RPF2: variants seen among roughly 807,000 people sequenced by gnomAD.
The protein encoded by RPF2 is brix domain containing 1.
Under a neutral mutation model 38.9 loss-of-function variants are expected in RPF2, and 21 were observed. That is an observed-to-expected ratio of 0.54 (90% CI 0.38 to 0.78). RPF2 has a LOEUF of 0.78. Among genes scored for constraint, RPF2 ranks in the 30% least tolerant of loss-of-function variants. The probability of loss-of-function intolerance (pLI) is 0.00; values close to 1 mark genes in which losing one functional copy is unlikely to be tolerated. For missense variants in RPF2, 314 were observed against 358.1 expected, an observed-to-expected ratio of 0.88 and a Z score of 0.99; for synonymous variants, 121 against 126.2, an observed-to-expected ratio of 0.96 and a Z score of 0.28.
chr6:110,983,012 T>G lies in RPF2; in HGVS notation c.23+883T>G, dbSNP rs555575509. Among the ~76,000 whole-genome samples, 3 of 152,270 alleles carry G rather than the reference T, an allele frequency of 2.0e-5. No homozygotes were observed. The East Asian group carries it at 5.8e-4, about 29-fold the overall frequency. ...AACCAGTAAATGATCAGAAGCTTTA[T>G]ATGTGACATTATATCTGGAGGAGTA... is the stretch of plus-strand genomic sequence containing the variant. On this transcript the variant is annotated intron_variant, in intron 1 of 9. Transcript: ENST00000441448.
chr6:110,998,581 G>A (rs984461968), intron 5 of RPF2, among the ~76,000 whole-genome samples: 16 of 152,148 alleles, frequency 1.1e-4, no homozygotes, highest in African/African-American at 3.9e-4. Flanking sequence ...CTAGTTTACA[G>A]CTTATTGATT....
At chr6:111,007,266 T>C (rs1260146225) in intron 6 of RPF2, among the ~76,000 whole-genome samples, 1 of 152,242 alleles carries the variant, frequency 6.6e-6, no homozygotes, top group Non-Finnish European at 1.5e-5. Flanking sequence ...ATGTTTTGTT[T>C]TGTTTTGTTT....
At chr6:110,985,995 A>T (rs1271845200) in intron 2 of RPF2, among the ~76,000 whole-genome samples, 1 of 152,072 alleles carries the variant, frequency 6.6e-6, no homozygotes. Flanking sequence ...TCCCCCAGAG[A>T]TAACACTGCA....
Position 110,985,111 on chromosome 6 carries a change from A to G in RPF2, c.129A>G (p.Ala43=), listed in dbSNP as rs756887585. Residue 43 remains alanine (A), a synonymous_variant, in exon 2 of 10, where the codon GCA becomes GCG. Coordinates refer to ENST00000441448, the MANE Select transcript of RPF2 (RefSeq NM_032194.3). ...AMLIKGGNAN[A]TVTKVLKDVY... ...TGATTAAAGGGGGAAATGCAAATGCAACAGTGACAAAAGTACTTAAAGATG... is the reference window on the plus strand; with the variant it reads ...TGATTAAAGGGGGAAATGCAAATGCGACAGTGACAAAAGTACTTAAAGATG... The G allele has an allele frequency of 4.6e-5, 75 of 1,613,622 alleles. No homozygotes were observed. The highest frequency in any genetic ancestry group is 6.0e-5 in the Non-Finnish European group (71 of 1,179,742).
chr6:111,017,293 G>A (rs9400455), intron 8 of RPF2, among the ~76,000 whole-genome samples: 30,606 of 150,086 alleles, frequency 0.2, 3,404 homozygotes, highest in South Asian at 0.32. Context: ...CGGACGGGGC[G>A]GCGGCTGGGC....
chr6:111,017,564 C>G (rs1169302554), intron 8 of RPF2, among the ~76,000 whole-genome samples: 1 of 149,996 alleles, frequency 6.7e-6, no homozygotes, highest in East Asian at 2.0e-4. Context: ...ACGCTCCTCA[C>G]CTCCCAGATG....
chr6:110,982,246 G>T, intron 1 of RPF2, 117 bp downstream of exon 1: 2 of 1,200,142 alleles, frequency 1.7e-6, no homozygotes, highest in Non-Finnish European at 1.2e-6. Flanking sequence ...CCTGGGTGGG[G>T]GCCGATCGAT....
At chr6:110,997,503 T>C (rs2114310056) in intron 5 of RPF2, among the ~76,000 whole-genome samples, 1 of 152,100 alleles carries the variant, frequency 6.6e-6, no homozygotes, top group African/African-American at 2.4e-5. Flanking sequence ...GCACTTTGGG[T>C]GGCGAGGTGG....
rs534201714 is a variant in RPF2, at chr6:111,028,157, A to T, written c.*2575A>T. ...TGGGTTTCTTTTTTTTTGTTTTTTT[A>T]AAATTAAGTGCTGTTTGTTTTCTTG... is the stretch of plus-strand genomic sequence containing the variant. On this transcript the variant is annotated 3_prime_UTR_variant, in exon 10 of 10. Transcript: ENST00000441448. 5.3e-5 allele frequency: 8 copies of T among 151,404 alleles called. No individual in the cohort carries two copies. The highest frequency in any genetic ancestry group is 2.0e-4 in the Admixed American group (3 of 15,228). 9.4% of individuals were successfully genotyped at this position (151,404 alleles called of 1,614,324 possible).
intron 2 of RPF2, among the ~76,000 whole-genome samples, chr6:110,985,885 T>C (rs9374236): frequency 0.36 from 52,770 of 148,414 alleles, 10,225 homozygotes; most frequent in East Asian, 0.67. Context: ...TCACAGTCAG[T>C]CGAGATTGTG....
At position 111,024,291 on chromosome 6, in the gene RPF2, T is replaced by C. The variant is rs774655799; in HGVS notation, c.705T>C (p.Leu235=). The C allele has an allele frequency of 6.2e-7, 1 of 1,612,206 alleles. No homozygotes were observed. The highest frequency in any genetic ancestry group is 8.5e-7 in the Non-Finnish European group (1 of 1,179,860). ...GGACACACCTGGCATCGGATGACCTTTATAAATTATCTATGAAAATGCCAA... is the reference window on the plus strand; with the variant it reads ...GGACACACCTGGCATCGGATGACCTCTATAAATTATCTATGAAAATGCCAA... ...LRRTHLASDD[L]YKLSMKMPKA... The change falls in exon 9 of 10, where the codon CTT becomes CTC. Residue 235 remains leucine, a synonymous_variant. Transcript: ENST00000441448.
At chr6:110,982,153 C>T (rs764284899) in intron 1 of RPF2, 24 bp downstream of exon 1, 34 of 1,613,724 alleles carry the variant, frequency 2.1e-5, no homozygotes, top group South Asian at 2.1e-4. Flanking sequence ...GTCTCAGCCC[C>T]GGGGAGCGTT....
intron 7 of RPF2, among the ~76,000 whole-genome samples, chr6:111,010,618 A>G (rs940798340): frequency 6.6e-6 from 1 of 152,108 alleles, no homozygotes; most frequent in Non-Finnish European, 1.5e-5. Context: ...ACTTTATTCC[A>G]TTTGAGCTTT....
intron 7 of RPF2, among the ~76,000 whole-genome samples, chr6:111,013,089 C>A (rs559770084): frequency 6.6e-6 from 1 of 152,220 alleles, no homozygotes; most frequent in South Asian, 2.1e-4. Context: ...TCTTTCCCAA[C>A]TAGAAATGAT....
Position 111,006,732 on chromosome 6 carries a change from G to A in RPF2, c.394-1306G>A, listed in dbSNP as rs139224717. On this transcript the variant is annotated intron_variant, in intron 6 of 9. Transcript: ENST00000441448. ...AAGCGATCCTCCTACCTCACGTTCC[G>A]AGTGGCTGGGACCATAGGCACTCAC... is the stretch of plus-strand genomic sequence containing the variant. Among the ~76,000 whole-genome samples the A allele has an allele frequency of 3.2e-4, 48 of 152,172 alleles. No individual in the cohort carries two copies. In the East Asian group the frequency reaches 4.1e-3, roughly 13 times the overall value.
chr6:110,993,061 C>T (rs947348871), intron 4 of RPF2, among the ~76,000 whole-genome samples: 15 of 152,188 alleles, frequency 9.9e-5, no homozygotes, highest in Non-Finnish European at 1.6e-4. Context: ...CTCCCAGACT[C>T]AAGCCATTCT....
chr6:111,016,826 T>C (rs941004099), intron 8 of RPF2, among the ~76,000 whole-genome samples: 4 of 151,600 alleles, frequency 2.6e-5, no homozygotes, highest in African/African-American at 9.7e-5. Context: ...CAGAGGACCC[T>C]GCGGCCTTCC....
In RPF2 at chr6:111,025,706, A is replaced by G; in HGVS notation, c.*124A>G. On this transcript the variant is annotated 3_prime_UTR_variant, in exon 10 of 10. Transcript: ENST00000441448. ...TTTTATAACATGATAATTTTACGAT[A>G]TATTATTATGAACAGTAATATACTA... 1.4e-6 allele frequency: 1 copy of G among 720,644 alleles called. No homozygotes were observed. Among genetic ancestry groups the G allele is most frequent in the Non-Finnish European group, 2.2e-6 (1 of 456,150 alleles). The allele number at this position is 720,644 out of a possible 1,614,324, so 44.6% of individuals were successfully genotyped here. A position where few individuals can be genotyped will look rare whatever the true frequency, so the allele number is the denominator to read the frequency against.
At chr6:110,982,294 A>T (rs1176803540) in intron 1 of RPF2, 165 bp downstream of exon 1, 1 of 736,186 alleles carries the variant, frequency 1.4e-6, no homozygotes. Context: ...GCTGCTTGCC[A>T]GGAGACAGTG....
Sources: gnomAD v4.1 joint callset for allele counts (sites outside exome capture counted in the v4.1 genomes callset) on GRCh38, gnomAD v4.1.1 for gene constraint, MANE v1.5 for transcripts, NCBI Gene and HGNC (gene_info 2026-07-23, HGNC 2026-07-21) for gene names.